The following ZNF600 variants were observed in gnomAD, a reference collection of about 807,000 sequenced individuals.
The protein encoded by ZNF600 is zinc finger protein 600.
Under a neutral mutation model 7.3 loss-of-function variants are expected in ZNF600, and 4 were observed. The ratio of observed to expected loss-of-function variants is 0.55; its 90% CI spans 0.27 to 1.25. ZNF600 has a LOEUF of 1.25. Ranked by LOEUF, ZNF600 falls within the 50% of genes most tolerant of loss-of-function variation. The pLI is 0.12. For synonymous variants in ZNF600, 290 were observed against 308.9 expected, an observed-to-expected ratio of 0.94 and a Z score of 0.64; for missense variants, 911 against 922.1, an observed-to-expected ratio of 0.99 and a Z score of 0.16.
At chr19:52,803,452 C>T in the ZNF600 span, among the ~76,000 whole-genome samples, 2 of 151,998 alleles carry the variant, frequency 1.3e-5, no homozygotes, top group Admixed American at 1.3e-4. Context: ...CATATAAAGT[C>T]ATAAAAATCA....
chr19:52,771,758 G>T (rs1020640065), intron 3 of ZNF600, among the ~76,000 whole-genome samples: 1 of 152,096 alleles, frequency 6.6e-6, no homozygotes, highest in African/African-American at 2.4e-5. Flanking sequence ...GATTATAGTC[G>T]TGAGCCATCA....
At chr19:52,797,164 A>G in the ZNF600 span, among the ~76,000 whole-genome samples, 1 of 152,258 alleles carries the variant, frequency 6.6e-6, no homozygotes, top group African/African-American at 2.4e-5. Flanking sequence ...TAGAAAAAGC[A>G]TTTCACAAAA....
chr19:52,770,637 G>T (rs2147504764), intron 3 of ZNF600, among the ~76,000 whole-genome samples: 1 of 152,176 alleles, frequency 6.6e-6, no homozygotes, highest in East Asian at 1.9e-4. Context: ...AGAAAATATT[G>T]TATAAAACAA....
the ZNF600 span, among the ~76,000 whole-genome samples, chr19:52,796,270 T>G: frequency 6.6e-6 from 1 of 152,152 alleles, no homozygotes; most frequent in South Asian, 2.1e-4. Flanking sequence ...GTCCTGACGA[T>G]GTGTGCCCAA....
chr19:52,807,859 A>G, the ZNF600 span: 1 of 1,264,134 alleles, frequency 7.9e-7, no homozygotes, highest in Non-Finnish European at 1.1e-6. Context: ...CAAAGGGGAC[A>G]GTGAAAGTCC....
chr19:52,788,070 C>T (rs1467543255), upstream of ZNF600, among the ~76,000 whole-genome samples: 1 of 152,102 alleles, frequency 6.6e-6, no homozygotes, highest in Non-Finnish European at 1.5e-5. Context: ...TCACTGACAC[C>T]TTGGGGTCCA....
the ZNF600 span, chr19:52,808,132 C>T: frequency 6.2e-7 from 1 of 1,612,912 alleles, no homozygotes; most frequent in Non-Finnish European, 8.5e-7. Context: ...TGTCAATAGA[C>T]CCTGAAATGG....
exon 4 of ZNF600, chr19:52,765,041 C>T (rs960516694): frequency 3.3e-5 from 10 of 307,004 alleles, no homozygotes; most frequent in African/African-American, 1.6e-4. Flanking sequence ...TGGCCCAATC[C>T]TCTTAACATA....
upstream of ZNF600, among the ~76,000 whole-genome samples, chr19:52,790,358 G>T: frequency 6.6e-6 from 1 of 152,164 alleles, no homozygotes; most frequent in East Asian, 1.9e-4. Flanking sequence ...TTTTGCAGGT[G>T]TGGTGGTGCA....
At chr19:52,809,834 C>T in the ZNF600 span, 19 of 555,638 alleles carry the variant, frequency 3.4e-5, no homozygotes, top group African/African-American at 1.6e-4. Flanking sequence ...GCGGCGGCGG[C>T]GGCGGTGGCG....
intron 3 of ZNF600, among the ~76,000 whole-genome samples, chr19:52,769,390 G>A (rs921479115): frequency 6.6e-6 from 1 of 152,168 alleles, no homozygotes; most frequent in Non-Finnish European, 1.5e-5. Context: ...TACTAAAAGT[G>A]TCTGATATGC....
chr19:52,829,190 T>TTTA, the ZNF600 span, among the ~76,000 whole-genome samples: 1 of 44,262 alleles, frequency 2.3e-5, no homozygotes, highest in South Asian at 3.8e-4. Context: ...CTTTTTTTAT[T>TTTA]TTATTTTATT....
At chr19:52,810,692 G>A in the ZNF600 span, 9 of 811,826 alleles carry the variant, frequency 1.1e-5, no homozygotes, top group East Asian at 4.9e-5. Flanking sequence ...GCGACATCAC[G>A]GTATTCCCCT....
intron 2 of ZNF600, among the ~76,000 whole-genome samples, chr19:52,775,605 T>G (rs1415182741): frequency 6.7e-6 from 1 of 149,946 alleles, no homozygotes; most frequent in Middle Eastern, 3.4e-3. Context: ...ATGTCAGATA[T>G]TATGTTCAAC....
the ZNF600 span, among the ~76,000 whole-genome samples, chr19:52,829,304 C>T: frequency 7.9e-5 from 12 of 151,508 alleles, 1 homozygote; most frequent in South Asian, 6.3e-4. Context: ...CATGCTGGTG[C>T]GCTGCACCCA....
the ZNF600 span, chr19:52,799,863 T>C: frequency 6.2e-7 from 1 of 1,614,104 alleles, no homozygotes; most frequent in Non-Finnish European, 8.5e-7. Context: ...CTTGTAAGGT[T>C]TCTCTCCACT....
the ZNF600 span, among the ~76,000 whole-genome samples, chr19:52,828,839 G>C: frequency 6.6e-6 from 1 of 152,082 alleles, no homozygotes; most frequent in African/African-American, 2.4e-5. Context: ...AATAAGACCA[G>C]TGCCTTTATT....
the ZNF600 span, among the ~76,000 whole-genome samples, chr19:52,810,945 A>G: frequency 1.6e-5 from 2 of 124,442 alleles, no homozygotes; most frequent in South Asian, 3.2e-4. Flanking sequence ...GCCGAGCCAA[A>G]GCTGGACGGT....
chr19:52,796,661 T>A, the ZNF600 span, among the ~76,000 whole-genome samples: 2 of 152,022 alleles, frequency 1.3e-5, no homozygotes, highest in African/African-American at 2.4e-5. Flanking sequence ...GAGACAGGGG[T>A]TTCACCATTC....
Sources: allele counts gnomAD v4.1 joint callset (sites outside exome capture counted in the v4.1 genomes callset), GRCh38; gene constraint gnomAD v4.1.1; transcripts MANE v1.5; gene names NCBI Gene and HGNC (gene_info 2026-07-23, HGNC 2026-07-21).